ASIC2: variants seen among roughly 807,000 people sequenced by gnomAD.
ASIC2 encodes the protein acid sensing ion channel subunit 2, also known as acid-sensing ion channel 2.
ASIC2 carries 25 observed loss-of-function variants against 57.3 expected under a neutral mutation model. The observed-to-expected ratio is 0.44, with a 90% CI of 0.32 to 0.61. ASIC2 has a LOEUF of 0.61. ASIC2 is among the 20% of genes least tolerant of loss of function. ASIC2 has a pLI of 0.06. For missense variants in ASIC2, 641 were observed against 738.1 expected (o/e 0.87, Z 1.52); for synonymous variants, 319 against 307.5 (o/e 1.04, Z -0.39).
intron 1 of ASIC2, among the ~76,000 whole-genome samples, chr17:34,035,025 A>T (rs889590365): frequency 6.6e-6 from 1 of 151,400 alleles, no homozygotes; most frequent in Non-Finnish European, 1.5e-5. Context: ...TAAAGTTCAT[A>T]TGGAACCAAA....
intron 1 of ASIC2, among the ~76,000 whole-genome samples, chr17:33,607,751 A>T (rs1905265320): frequency 6.6e-6 from 1 of 152,086 alleles, no homozygotes; most frequent in Admixed American, 6.5e-5. Context: ...GCTTTGGACC[A>T]CTCACTACAG....
intron 1 of ASIC2, among the ~76,000 whole-genome samples, chr17:33,985,039 G>A (rs1239227305): frequency 6.6e-6 from 1 of 152,178 alleles, no homozygotes; most frequent in African/African-American, 2.4e-5. Flanking sequence ...ATATAGATGT[G>A]AGTGATAAAC....
intron 1 of ASIC2, among the ~76,000 whole-genome samples, chr17:33,525,537 G>A (rs974478143): frequency 3.9e-5 from 6 of 152,132 alleles, no homozygotes; most frequent in South Asian, 2.1e-4. Flanking sequence ...ATTCCAGCTC[G>A]GGCTCACGGG....
At chr17:33,178,411 G>T (rs1905846357) in intron 1 of ASIC2, among the ~76,000 whole-genome samples, 1 of 152,068 alleles carries the variant, frequency 6.6e-6, no homozygotes, top group South Asian at 2.1e-4. Flanking sequence ...TGCTCTTTAG[G>T]GATAATGTAA....
At chr17:33,757,063 A>G (rs1352237937) in intron 1 of ASIC2, among the ~76,000 whole-genome samples, 1 of 152,124 alleles carries the variant, frequency 6.6e-6, no homozygotes, top group East Asian at 1.9e-4. Flanking sequence ...TCCTGATACT[A>G]GTGAAGGAAC....
At position 33,292,091 on chromosome 17, in the gene ASIC2, G is replaced by A; in HGVS notation, c.25C>T (p.Leu9=). 9.6e-7 allele frequency: 1 copy of A among 1,046,240 alleles called. No individual in the cohort carries two copies. The highest frequency in any genetic ancestry group is 1.1e-6 in the Non-Finnish European group (1 of 872,534). 64.8% of individuals were successfully genotyped at this position (1,046,240 alleles called of 1,614,324 possible). A position where few individuals can be genotyped will look rare whatever the true frequency, so the allele number is the denominator to read the frequency against. Residue 9 remains leucine, a synonymous_variant, in exon 1 of 10, where the codon CTG becomes TTG. Transcript: ENST00000225823. ...GGGCCGGTGAGCGCGGCTGCGGGCA[G>A]CCCGGCTCCGCCAATCCGGCTCATT... MSRIGGAG[L]PAAALTGPGR...
At chr17:33,514,189 G>A (rs1914502653) in intron 1 of ASIC2, among the ~76,000 whole-genome samples, 1 of 152,108 alleles carries the variant, frequency 6.6e-6, no homozygotes, top group Non-Finnish European at 1.5e-5. Flanking sequence ...GCATGCTCTA[G>A]CCTAATCTTG....
intron 1 of ASIC2, among the ~76,000 whole-genome samples, chr17:33,248,743 C>T (rs563392521): frequency 6.6e-6 from 1 of 152,344 alleles, no homozygotes; most frequent in Admixed American, 6.5e-5. Flanking sequence ...TCACATTCTC[C>T]TCCTCTCTGT....
chr17:33,373,515 C>A (rs1004664715), intron 1 of ASIC2, among the ~76,000 whole-genome samples: 1 of 152,226 alleles, frequency 6.6e-6, no homozygotes, highest in Admixed American at 6.5e-5. Flanking sequence ...TAATGAGGGA[C>A]CACAAGATTA....
chr17:34,032,151 A>G (rs1907643192), intron 1 of ASIC2, among the ~76,000 whole-genome samples: 1 of 152,246 alleles, frequency 6.6e-6, no homozygotes, highest in Admixed American at 6.5e-5. Context: ...CCATCAGACT[A>G]ACAGCTGATC....
chr17:33,400,505 T>A (rs1343638941), intron 1 of ASIC2, among the ~76,000 whole-genome samples: 1 of 152,112 alleles, frequency 6.6e-6, no homozygotes. Flanking sequence ...GTTGATGACC[T>A]CTCCGACTCT....
At chr17:34,022,284 G>A (rs1253720931) in intron 1 of ASIC2, among the ~76,000 whole-genome samples, 1 of 152,112 alleles carries the variant, frequency 6.6e-6, no homozygotes, top group Non-Finnish European at 1.5e-5. Context: ...TTCTGTCCAA[G>A]TTCACCCAAA....
chr17:33,710,193 G>C (rs1303037615), intron 1 of ASIC2, among the ~76,000 whole-genome samples: 5 of 152,230 alleles, frequency 3.3e-5, no homozygotes, highest in African/African-American at 9.6e-5. Context: ...TGTGGCAAGA[G>C]AGACACAACT....
At chr17:33,937,294 G>A (rs1597938496) in intron 1 of ASIC2, among the ~76,000 whole-genome samples, 1 of 152,158 alleles carries the variant, frequency 6.6e-6, no homozygotes, top group Non-Finnish European at 1.5e-5. Context: ...TAGAGATGGG[G>A]TTTCGCCATG....
At position 33,894,093 on chromosome 17, in the gene ASIC2, T is replaced by G. The variant is rs144174014; in HGVS notation, c.555+261885A>C. 2.2e-3 allele frequency among the ~76,000 whole-genome samples: 340 copies of G among 152,348 alleles called. 2 individuals carry two copies. The highest frequency in any genetic ancestry group is 7.9e-3 in the African/African-American group (330 of 41,584). On this transcript the variant is annotated intron_variant, in intron 1 of 9. Transcript: ENST00000359872. Reference sequence around the variant, plus strand: ...TGGACTTCCCAACTCTGTGCTACTTTTATTTTTGCTGGGGAATGGAAAATA... The same window carrying G: ...TGGACTTCCCAACTCTGTGCTACTTGTATTTTTGCTGGGGAATGGAAAATA...
intron 1 of ASIC2, among the ~76,000 whole-genome samples, chr17:33,911,846 A>T (rs1391211300): frequency 6.6e-6 from 1 of 152,174 alleles, no homozygotes; most frequent in African/African-American, 2.4e-5. Context: ...TCGGCTGGGC[A>T]CGGTGGTTCA....
intron 1 of ASIC2, among the ~76,000 whole-genome samples, chr17:33,540,414 G>A (rs573991443): frequency 6.6e-6 from 1 of 152,210 alleles, no homozygotes; most frequent in African/African-American, 2.4e-5. Context: ...TATTTTGGAG[G>A]GGGGCACAAT....
At chr17:34,142,466 T>G (rs1382022033) in intron 1 of ASIC2, among the ~76,000 whole-genome samples, 2 of 152,254 alleles carry the variant, frequency 1.3e-5, no homozygotes, top group Non-Finnish European at 2.9e-5. Context: ...GGTTGAGGCC[T>G]ACTGTGCTAT....
chr17:33,114,565 A>G (rs577935468), intron 1 of ASIC2, among the ~76,000 whole-genome samples: 1 of 152,354 alleles, frequency 6.6e-6, no homozygotes, highest in Admixed American at 6.5e-5. Flanking sequence ...TTCACCTTTT[A>G]GTCCCTGAAC....
Sources: allele counts gnomAD v4.1 joint callset (sites outside exome capture counted in the v4.1 genomes callset), GRCh38; gene constraint gnomAD v4.1.1; transcripts MANE v1.5; gene names NCBI Gene and HGNC (gene_info 2026-07-23, HGNC 2026-07-21).